Variants in PALM2AKAP2 observed in about 807,000 individuals in gnomAD.
The protein encoded by PALM2AKAP2 is PALM2-AKAP2 fusion protein.
In PALM2AKAP2, 37 loss-of-function variants were observed where a neutral mutation model predicts 71.5. The observed-to-expected ratio is 0.52, with a 90% confidence interval of 0.40 to 0.68. The LOEUF is 0.68. PALM2AKAP2 is among the 30% of genes least tolerant of loss of function. The pLI is 0.00. For synonymous variants in PALM2AKAP2, 468 were observed against 478.8 expected (o/e 0.98, Z 0.29); for missense variants, 1,224 against 1,191.8 (o/e 1.03, Z -0.40).
chr9:110,124,997 G>A (rs966529174), intron 1 of PALM2AKAP2, among the ~76,000 whole-genome samples: 10 of 152,102 alleles, frequency 6.6e-5, no homozygotes, highest in Non-Finnish European at 1.2e-4. Flanking sequence ...CTGATTGGAG[G>A]GGTAATGAAT....
rs12156536 is a variant in PALM2AKAP2 at position 109,765,636 on chromosome 9, C to A, written c.6-14852C>A. On this transcript the variant is annotated intron_variant, in intron 1 of 6. Coordinates refer to the PALM2AKAP2 transcript ENST00000374531. ...GGGTAAGGGTATAATTTTAGAGCAA[C>A]CCGCCTTTAAAAGTCTGATGTGCAG... 1,518 of 152,368 alleles carry A rather than the reference C, an allele frequency of 1.0e-2. 11 individuals carry two copies. Among genetic ancestry groups the A allele is most frequent in the Non-Finnish European group, 0.016 (1,056 of 68,102 alleles). The allele number at this position is 152,368 out of a possible 1,614,324, so 9.4% of individuals were successfully genotyped here.
rs374450966 is a variant in PALM2AKAP2, at chr9:110,091,563, T to A, written c.156+42708T>A. Among the ~76,000 whole-genome samples the A allele has an allele frequency of 5.4e-5, 8 of 147,316 alleles. No homozygotes were observed. The East Asian group carries it at 1.6e-3, about 30-fold the overall frequency. On this transcript the variant is annotated intron_variant, in intron 1 of 3. Transcript: ENST00000374525. ...CTGCAATCTCTACCTCCCGGGTTCA[T>A]GCCATTCTCCTGCCTCAGCCTCCCG...
intron 3 of PALM2AKAP2, among the ~76,000 whole-genome samples, chr9:109,908,808 GCACACA>G (rs59715039): frequency 0.039 from 5,892 of 150,204 alleles, 225 homozygotes; most frequent in East Asian, 0.17. Context: ...GGATGCGTGT[GCACACA>G]CACACACACA....
chr9:110,094,670 GGGGGGC>G (rs1337943723), intron 1 of PALM2AKAP2, among the ~76,000 whole-genome samples: 2,839 of 74,206 alleles, frequency 0.038, 96 homozygotes, highest in African/African-American at 0.19. Context: ...CCACGGGGCG[GGGGGGC>G]GGGTAATCTG....
intron 6 of PALM2AKAP2, among the ~76,000 whole-genome samples, chr9:110,003,358 A>T (rs528074094): frequency 2.0e-5 from 3 of 152,144 alleles, no homozygotes; most frequent in Non-Finnish European, 2.9e-5. Flanking sequence ...GAGTTTCTTC[A>T]TCCTGAGTTC....
chr9:110,049,129 G>C (rs1240688096), intron 1 of PALM2AKAP2, among the ~76,000 whole-genome samples: 2 of 152,302 alleles, frequency 1.3e-5, no homozygotes, highest in Admixed American at 1.3e-4. Context: ...ATTTATATAT[G>C]CTTTAAAAAC....
At chr9:109,671,448 T>C (rs142846838) in intron 1 of PALM2AKAP2, among the ~76,000 whole-genome samples, 176 of 152,326 alleles carry the variant, frequency 1.2e-3, no homozygotes, top group African/African-American at 4.0e-3. Context: ...CTGTATTCTA[T>C]TCCATTGGTC....
chr9:109,709,521 A>T (rs1196047143), intron 1 of PALM2AKAP2, among the ~76,000 whole-genome samples: 1 of 152,178 alleles, frequency 6.6e-6, no homozygotes, highest in African/African-American at 2.4e-5. Flanking sequence ...CTGTGCCCTC[A>T]GGGCCAGTCT....
intron 6 of PALM2AKAP2, among the ~76,000 whole-genome samples, chr9:110,014,836 A>G (rs1187770938): frequency 2.5e-4 from 33 of 132,070 alleles, no homozygotes; most frequent in African/African-American, 9.2e-4. Context: ...ATATATATAT[A>G]TATATATATA....
intron 6 of PALM2AKAP2, among the ~76,000 whole-genome samples, chr9:109,959,495 A>T (rs1831812701): frequency 6.6e-6 from 1 of 151,996 alleles, no homozygotes; most frequent in Non-Finnish European, 1.5e-5. Context: ...ATACAAAAAA[A>T]CTAGCCAGGC....
intron 1 of PALM2AKAP2, among the ~76,000 whole-genome samples, chr9:109,766,783 C>A (rs1477182068): frequency 4.6e-5 from 7 of 152,156 alleles, no homozygotes; most frequent in African/African-American, 1.4e-4. Flanking sequence ...TTCTCATGAA[C>A]CCCATAATGT....
chr9:110,170,336 C>G (rs1187142035), exon 4 of PALM2AKAP2: 1 of 152,486 alleles, frequency 6.6e-6, no homozygotes, highest in African/African-American at 2.4e-5. Context: ...GTCATAAGCT[C>G]TATTATGTTA....
chr9:109,856,496 T>C (rs1463420898), intron 1 of PALM2AKAP2, among the ~76,000 whole-genome samples: 1 of 152,230 alleles, frequency 6.6e-6, no homozygotes, highest in African/African-American at 2.4e-5. Context: ...TGTTGGTGTA[T>C]CCATTTTTTC....
At chr9:109,736,538 T>A (rs182470480) in intron 1 of PALM2AKAP2, among the ~76,000 whole-genome samples, 67 of 152,304 alleles carry the variant, frequency 4.4e-4, no homozygotes, top group African/African-American at 1.5e-3. Flanking sequence ...GCTTCATGAC[T>A]GAAAATATTT....
chr9:109,770,144 G>A (rs750999588), intron 1 of PALM2AKAP2, among the ~76,000 whole-genome samples: 17 of 152,268 alleles, frequency 1.1e-4, no homozygotes, highest in Middle Eastern at 6.8e-3. Flanking sequence ...GGGCTGGGTC[G>A]GAGTTGGCCA....
chr9:110,146,270 CT>C (rs1016675440), intron 2 of PALM2AKAP2, among the ~76,000 whole-genome samples: 1 of 152,162 alleles, frequency 6.6e-6, no homozygotes, highest in African/African-American at 2.4e-5. Flanking sequence ...GCAGTTACAG[CT>C]TCTGGGCAGC....
In PALM2AKAP2 at chr9:110,157,629, A is replaced by G. The variant is rs184500651; in HGVS notation, c.2748+1132A>G. On this transcript the variant is annotated intron_variant, in intron 3 of 3. Coordinates refer to ENST00000374525, the Ensembl canonical transcript of PALM2AKAP2. ...TGCTCAGACTGTTCTTCAACTCCTGAGCTCAAGGGATACTCCCACCCCAGC... is the reference window on the plus strand; with the variant it reads ...TGCTCAGACTGTTCTTCAACTCCTGGGCTCAAGGGATACTCCCACCCCAGC... Among the ~76,000 whole-genome samples, 446 of 152,116 alleles carry G rather than the reference A, an allele frequency of 2.9e-3. 2 individuals are homozygous for G. Among genetic ancestry groups the G allele is most frequent in the African/African-American group, 0.01 (433 of 41,484 alleles).
intron 6 of PALM2AKAP2, among the ~76,000 whole-genome samples, chr9:110,009,639 G>A (rs1443387117): frequency 4.6e-5 from 7 of 151,512 alleles, no homozygotes; most frequent in African/African-American, 1.7e-4. Flanking sequence ...GTGTGAACCC[G>A]GGAGGTGGAG....
chr9:110,135,164 A>AAAAAAAAAAAATATATATATAT lies in PALM2AKAP2; in HGVS notation c.157-962_157-961insAAAAAAAAAATATATATATATA. Reference sequence around the variant, plus strand: ...AACTCTGTCTCTACAAAAAAAAAAAAATATATAAATATATATATATATATA... The same window carrying AAAAAAAAAAAATATATATATAT: ...AACTCTGTCTCTACAAAAAAAAAAAAAAAAAAAAAAATATATATATATATATATAAATATATATATATATATA... On this transcript the variant is annotated intron_variant, in intron 1 of 3. Transcript: ENST00000374525. Among the ~76,000 whole-genome samples the AAAAAAAAAAAATATATATATAT allele has an allele frequency of 6.6e-4, 34 of 51,702 alleles. 1 individual carries two copies. The highest frequency in any genetic ancestry group is 3.8e-3 in the East Asian group (3 of 788). The allele number at this position is 51,702 out of a possible 152,430, so 33.9% of individuals were successfully genotyped here.
Sources: allele counts gnomAD v4.1 joint callset (sites outside exome capture counted in the v4.1 genomes callset), GRCh38; gene constraint gnomAD v4.1.1; transcripts MANE v1.5; gene names NCBI Gene and HGNC (gene_info 2026-07-23, HGNC 2026-07-21).